FHL2: variants seen among roughly 807,000 people sequenced by gnomAD.
The protein encoded by FHL2 is four and a half LIM domains protein 2.
A neutral mutation model predicts 32.7 loss-of-function variants in FHL2; 20 were observed. The ratio of observed to expected loss-of-function variants is 0.61; its 90% CI spans 0.43 to 0.89. The LOEUF is 0.89. FHL2 is among the 40% of genes least tolerant of loss of function. The pLI, the probability that FHL2 is intolerant of heterozygous loss-of-function variation, is 0.00. For missense variants in FHL2, 311 were observed against 358.6 expected, an observed-to-expected ratio of 0.87 and a Z score of 1.07; for synonymous variants, 123 against 128.1, an observed-to-expected ratio of 0.96 and a Z score of 0.27.
chr2:105,367,853 T>C (rs956588656), intron 4 of FHL2, 114 bp from the exon 5 acceptor site: 1 of 1,067,346 alleles, frequency 9.4e-7, no homozygotes, highest in East Asian at 2.5e-5. Context: ...AGCAAGCCAC[T>C]TCAGCTCTTG....
chr2:105,417,102 G>A (rs189987248), intron 1 of FHL2, among the ~76,000 whole-genome samples: 1 of 152,222 alleles, frequency 6.6e-6, no homozygotes, highest in African/African-American at 2.4e-5. Flanking sequence ...TGTGTGTTGC[G>A]GCCGGGCGCG....
At chr2:105,365,999 G>C (rs538673574) in intron 5 of FHL2, among the ~76,000 whole-genome samples, 1 of 152,138 alleles carries the variant, frequency 6.6e-6, no homozygotes, top group South Asian at 2.1e-4. Context: ...GAGGTCAGGA[G>C]TTCCGAGATC....
At chr2:105,376,465 T>A (rs760980341) in intron 3 of FHL2, 21 of 152,334 alleles carry the variant, frequency 1.4e-4, no homozygotes, top group Non-Finnish European at 2.8e-4. Context: ...TGAATAAAAT[T>A]GAACAAATCA....
At chr2:105,423,216 TG>T (rs758529753) in intron 1 of FHL2, among the ~76,000 whole-genome samples, 1 of 152,208 alleles carries the variant, frequency 6.6e-6, no homozygotes, top group East Asian at 1.9e-4. Context: ...AGAGCAATAA[TG>T]TCTCCAAAAA....
downstream of FHL2, chr2:105,358,549 T>G (rs899225133): frequency 2.0e-5 from 3 of 152,024 alleles, no homozygotes; most frequent in African/African-American, 7.3e-5. Flanking sequence ...AGCTGGGGAG[T>G]GGGGATGGGA....
At position 105,365,544 on chromosome 2, in the gene FHL2, T is replaced by G. The variant is rs149800306; in HGVS notation, c.501+2026A>C. ...TGAGAAGAACAAACCAAAATAAAAA[T>G]AAAAAGGGGAGAGAACAGGGAAGAG... On this transcript the variant is annotated intron_variant, in intron 5 of 6. Transcript: ENST00000530340. Among the ~76,000 whole-genome samples the G allele has an allele frequency of 8.7e-3, 1,313 of 150,678 alleles. 17 individuals carry two copies. The highest frequency in any genetic ancestry group is 0.03 in the African/African-American group (1,226 of 41,014).
At chr2:105,392,012 G>A (rs1401084700) in intron 2 of FHL2, among the ~76,000 whole-genome samples, 1 of 152,112 alleles carries the variant, frequency 6.6e-6, no homozygotes, top group Non-Finnish European at 1.5e-5. Flanking sequence ...TTACCCCTTC[G>A]GCCCTGAATA....
At chr2:105,418,919 T>C (rs1684017775) in intron 1 of FHL2, among the ~76,000 whole-genome samples, 1 of 152,264 alleles carries the variant, frequency 6.6e-6, no homozygotes, top group Non-Finnish European at 1.5e-5. Flanking sequence ...ATCATATGTA[T>C]GTATACACAG....
Position 105,393,495 on chromosome 2 carries a change from A to G in FHL2, c.-25+3152T>C, listed in dbSNP as rs147981541. On this transcript the variant is annotated intron_variant, in intron 2 of 6. Coordinates refer to ENST00000530340, the MANE Select transcript of FHL2 (RefSeq NM_001318895.3). ...CTATGTGGGCTCTTTTAAAAAATAC[A>G]TTATAAAAGTGCAGTGTTTTCATGC... Among the ~76,000 whole-genome samples the G allele has an allele frequency of 1.9e-3, 295 of 152,312 alleles. 1 individual carries two copies. The highest frequency in any genetic ancestry group is 6.7e-3 in the African/African-American group (278 of 41,584).
intron 1 of FHL2, among the ~76,000 whole-genome samples, chr2:105,417,860 C>G (rs1277043451): frequency 6.6e-6 from 1 of 151,992 alleles, no homozygotes; most frequent in East Asian, 1.9e-4. Flanking sequence ...ATCATGATTA[C>G]TAGTTTGGTT....
At chr2:105,377,047 T>G (rs1224192447) in intron 3 of FHL2, among the ~76,000 whole-genome samples, 1 of 152,230 alleles carries the variant, frequency 6.6e-6, no homozygotes, top group Non-Finnish European at 1.5e-5. Flanking sequence ...ATGTGTTCTG[T>G]AACCCATTCA....
chr2:105,368,033 GTC>G (rs1199940146), intron 4 of FHL2, among the ~76,000 whole-genome samples: 1 of 152,170 alleles, frequency 6.6e-6, no homozygotes. Flanking sequence ...AAAAAGTTAA[GTC>G]TCTCTCAGCA....
At chr2:105,390,890 G>A (rs59111262) in intron 2 of FHL2, among the ~76,000 whole-genome samples, 39,952 of 151,134 alleles carry the variant, frequency 0.26, 5,356 homozygotes, top group African/African-American at 0.29. Context: ...TCCACCTCCC[G>A]GGTTTCAGTG....
At chr2:105,436,503 A>G (rs938966207) in intron 1 of FHL2, among the ~76,000 whole-genome samples, 3 of 152,172 alleles carry the variant, frequency 2.0e-5, no homozygotes, top group African/African-American at 4.8e-5. Flanking sequence ...AATCTACAGT[A>G]AAAGACATTG....
intron 3 of FHL2, 134 bp downstream of exon 3, chr2:105,386,227 C>T (rs756290984): frequency 7.3e-6 from 7 of 955,628 alleles, no homozygotes; most frequent in Middle Eastern, 3.5e-4. Flanking sequence ...AAAGGCTACA[C>T]GCAGGGTCCA....
At chr2:105,376,329 T>A (rs1467839964) in intron 3 of FHL2, 1 of 152,154 alleles carries the variant, frequency 6.6e-6, no homozygotes, top group African/African-American at 2.4e-5. Flanking sequence ...TCAAAACAGA[T>A]AGCCTTGAGG....
At chr2:105,414,306 C>T (rs932135584) in intron 1 of FHL2, among the ~76,000 whole-genome samples, 2 of 152,128 alleles carry the variant, frequency 1.3e-5, no homozygotes, top group Non-Finnish European at 2.9e-5. Context: ...ATGGAGGCTT[C>T]ATTGCATAGG....
At chr2:105,423,069 G>C (rs1055840891) in intron 1 of FHL2, among the ~76,000 whole-genome samples, 1 of 152,166 alleles carries the variant, frequency 6.6e-6, no homozygotes, top group African/African-American at 2.4e-5. Flanking sequence ...CTCAGGAAGT[G>C]GTATCAAGCG....
At chr2:105,377,946 G>C in intron 3 of FHL2, 1 of 424,086 alleles carries the variant, frequency 2.4e-6, no homozygotes, top group Admixed American at 2.7e-5. Flanking sequence ...TCAGTGACAA[G>C]AGAGGGAAGA....
Sources: gnomAD v4.1 joint callset for allele counts (sites outside exome capture counted in the v4.1 genomes callset) on GRCh38, gnomAD v4.1.1 for gene constraint, MANE v1.5 for transcripts, NCBI Gene and HGNC (gene_info 2026-07-23, HGNC 2026-07-21) for gene names.